The following NELL1 variants were observed in gnomAD, a reference collection of about 807,000 sequenced individuals.
NELL1 encodes neural EGFL like 1.
Under a neutral mutation model 107.4 loss-of-function variants are expected in NELL1, and 76 were observed. The observed-to-expected ratio is 0.71, with a 90% CI of 0.59 to 0.86. The LOEUF (loss-of-function observed/expected upper bound fraction) is 0.86. Ranked by LOEUF, NELL1 falls within the 40% of genes least tolerant of loss-of-function variation. NELL1 has a pLI of 0.00. For missense variants in NELL1, 1,024 were observed against 1,005.5 expected (o/e 1.02, Z -0.25); for synonymous variants, 353 against 341.2 (o/e 1.03, Z -0.38).
chr11:21,123,507 ACTAT>A (rs1855420145), intron 13 of NELL1, among the ~76,000 whole-genome samples: 1 of 152,176 alleles, frequency 6.6e-6, no homozygotes, highest in African/African-American at 2.4e-5. Context: ...TATGTGTGTG[ACTAT>A]CTGTGTGTAG....
intron 16 of NELL1, among the ~76,000 whole-genome samples, chr11:21,535,812 G>A (rs1193055366): frequency 2.0e-5 from 3 of 152,130 alleles, no homozygotes; most frequent in Admixed American, 6.5e-5. Flanking sequence ...AAATGTCACT[G>A]TGTATTCAGC....
intron 15 of NELL1, among the ~76,000 whole-genome samples, chr11:21,402,828 A>G (rs920810148): frequency 6.6e-6 from 1 of 151,754 alleles, no homozygotes; most frequent in African/African-American, 2.4e-5. Flanking sequence ...TATGAAGCCT[A>G]TTGAAGTGTC....
intron 3 of NELL1, among the ~76,000 whole-genome samples, chr11:20,786,550 A>G (rs1388087121): frequency 6.6e-6 from 1 of 151,974 alleles, no homozygotes; most frequent in Non-Finnish European, 1.5e-5. Flanking sequence ...AGGGTATCCA[A>G]GTTACATGCC....
At position 21,011,494 on chromosome 11, in the gene NELL1, A is replaced by G. The variant is rs114660491; in HGVS notation, c.1300+50934A>G. On this transcript the variant is annotated intron_variant, in intron 12 of 19. Coordinates refer to ENST00000357134, the MANE Select transcript of NELL1 (RefSeq NM_006157.5). ...TCCTATGTTGGACCAAAATAACCAGACCCTTACACCTTTATACCTCCACCC... is the reference window on the plus strand; with the variant it reads ...TCCTATGTTGGACCAAAATAACCAGGCCCTTACACCTTTATACCTCCACCC... Among the ~76,000 whole-genome samples the G allele has an allele frequency of 3.9e-3, 596 of 152,236 alleles. 6 individuals carry two copies. Among genetic ancestry groups the G allele is most frequent in the African/African-American group, 0.014 (566 of 41,558 alleles).
chr11:21,220,068 C>T, intron 13 of NELL1, among the ~76,000 whole-genome samples: 1 of 152,150 alleles, frequency 6.6e-6, no homozygotes, highest in East Asian at 1.9e-4. Flanking sequence ...AAATCTGTCC[C>T]CATGATTGAG....
intron 15 of NELL1, among the ~76,000 whole-genome samples, chr11:21,533,049 G>C (rs547770739): frequency 3.1e-4 from 47 of 152,126 alleles, no homozygotes; most frequent in Non-Finnish European, 5.3e-4. Flanking sequence ...TTAGGCCCTA[G>C]GGACTGAGGG....
intron 2 of NELL1, among the ~76,000 whole-genome samples, chr11:20,755,880 T>G (rs58022636): frequency 0.053 from 736 of 13,894 alleles, 33 homozygotes; most frequent in South Asian, 0.079. Flanking sequence ...TTTTTTTTTT[T>G]TTTTTTTTTT....
intron 13 of NELL1, among the ~76,000 whole-genome samples, chr11:21,170,514 T>G (rs1387869630): frequency 1.3e-5 from 2 of 151,810 alleles, no homozygotes; most frequent in South Asian, 4.1e-4. Context: ...AAGCATGTTT[T>G]CTGTCACATT....
chr11:21,263,507 C>A (rs1027165361), intron 14 of NELL1, among the ~76,000 whole-genome samples: 1 of 151,996 alleles, frequency 6.6e-6, no homozygotes, highest in Non-Finnish European at 1.5e-5. Flanking sequence ...TACACTTTCA[C>A]TGATTTCCCG....
intron 12 of NELL1, among the ~76,000 whole-genome samples, chr11:21,022,362 A>G (rs1263142679): frequency 6.6e-6 from 1 of 152,110 alleles, no homozygotes; most frequent in Non-Finnish European, 1.5e-5. Context: ...GGTAAATTGT[A>G]TAGGTACTCT....
At chr11:21,359,343 T>C (rs957404084) in intron 14 of NELL1, among the ~76,000 whole-genome samples, 3 of 152,184 alleles carry the variant, frequency 2.0e-5, no homozygotes, top group Non-Finnish European at 2.9e-5. Context: ...TTGATAATGG[T>C]GTATTATCTT....
chr11:21,430,142 T>C (rs960278970), intron 15 of NELL1, among the ~76,000 whole-genome samples: 2 of 152,210 alleles, frequency 1.3e-5, no homozygotes, highest in African/African-American at 4.8e-5. Context: ...TATTAAGCTA[T>C]TGGTATTGCA....
chr11:20,743,925 C>A lies in NELL1; in HGVS notation c.185-39755C>A, dbSNP rs569387021. ...GACATCTTCTTGCCCCAATCCTAAG[C>A]CTTTTCTATCTCACTAAACAGCTCC... On this transcript the variant is annotated intron_variant, in intron 2 of 19. Coordinates refer to ENST00000357134, the MANE Select transcript of NELL1 (RefSeq NM_006157.5). Among the ~76,000 whole-genome samples the A allele has an allele frequency of 7.7e-4, 118 of 152,282 alleles. 2 individuals carry two copies. In the South Asian group the frequency reaches 0.024, roughly 31 times the overall value.
chr11:21,094,382 C>G (rs542474383), intron 12 of NELL1, among the ~76,000 whole-genome samples: 124 of 152,304 alleles, frequency 8.1e-4, no homozygotes, highest in Non-Finnish European at 1.6e-3. Flanking sequence ...CTTTTCCAGG[C>G]ACATAGTGCA....
At chr11:20,839,969 A>G (rs904766566) in intron 3 of NELL1, among the ~76,000 whole-genome samples, 7 of 152,246 alleles carry the variant, frequency 4.6e-5, no homozygotes, top group African/African-American at 1.7e-4. Context: ...TTGTGTAAAC[A>G]AGAGGCTTGA....
chr11:21,335,365 T>A (rs1850367752), intron 14 of NELL1, among the ~76,000 whole-genome samples: 1 of 152,034 alleles, frequency 6.6e-6, no homozygotes, highest in African/African-American at 2.4e-5. Context: ...TTCCTATTAC[T>A]TGTGTCAGTA....
chr11:21,315,049 G>C (rs564611267), intron 14 of NELL1, among the ~76,000 whole-genome samples: 1 of 152,042 alleles, frequency 6.6e-6, no homozygotes, highest in Non-Finnish European at 1.5e-5. Flanking sequence ...TAGAGTTGGC[G>C]TGTCTCCATG....
intron 13 of NELL1, among the ~76,000 whole-genome samples, chr11:21,136,892 G>A (rs1488941550): frequency 6.6e-6 from 1 of 152,120 alleles, no homozygotes; most frequent in East Asian, 1.9e-4. Flanking sequence ...TATGGATTTG[G>A]ACCAAAATAC....
intron 14 of NELL1, among the ~76,000 whole-genome samples, chr11:21,334,058 C>T (rs760416722): frequency 6.6e-6 from 1 of 151,974 alleles, no homozygotes; most frequent in Admixed American, 6.6e-5. Context: ...TAAATTAAAT[C>T]ATTGTTGAGT....
Sources: gnomAD v4.1 joint callset for allele counts (sites outside exome capture counted in the v4.1 genomes callset) on GRCh38, gnomAD v4.1.1 for gene constraint, MANE v1.5 for transcripts, NCBI Gene and HGNC (gene_info 2026-07-23, HGNC 2026-07-21) for gene names.